GAB2: variants seen among roughly 807,000 people sequenced by gnomAD.
GAB2 encodes GRB2 associated binding protein 2, also known as GRB2-associated-binding protein 2.
In GAB2, 26 loss-of-function variants were observed where a neutral mutation model predicts 65.5. The ratio of observed to expected loss-of-function variants is 0.40; its 90% CI spans 0.29 to 0.55. The LOEUF (loss-of-function observed/expected upper bound fraction) is 0.55. GAB2 is among the 20% of genes least tolerant of loss of function. The probability of loss-of-function intolerance (pLI) is 0.53; values close to 1 mark genes in which losing one functional copy is unlikely to be tolerated. For missense variants in GAB2, 884 were observed against 875.8 expected, an observed-to-expected ratio of 1.01 and a Z score of -0.12; for synonymous variants, 321 against 329.6, an observed-to-expected ratio of 0.97 and a Z score of 0.28.
At chr11:78,283,139 C>T (rs1446463044) in intron 1 of GAB2, among the ~76,000 whole-genome samples, 1 of 152,202 alleles carries the variant, frequency 6.6e-6, no homozygotes, top group Non-Finnish European at 1.5e-5. Context: ...CTCTTGGCCT[C>T]TCTCTTTAAA....
chr11:78,290,612 G>C (rs1275410309), intron 1 of GAB2, among the ~76,000 whole-genome samples: 1 of 152,166 alleles, frequency 6.6e-6, no homozygotes, highest in African/African-American at 2.4e-5. Flanking sequence ...GCTCCCTTCT[G>C]GTGACAATGA....
chr11:78,402,612 C>G (rs968547551), intron 1 of GAB2, among the ~76,000 whole-genome samples: 2 of 148,840 alleles, frequency 1.3e-5, no homozygotes, highest in African/African-American at 5.0e-5. Flanking sequence ...CGTACCACCA[C>G]GCCCAGCTAA....
intron 1 of GAB2, among the ~76,000 whole-genome samples, chr11:78,296,464 A>G (rs998040496): frequency 6.6e-6 from 1 of 151,844 alleles, no homozygotes; most frequent in African/African-American, 2.4e-5. Flanking sequence ...GTATTTTCTC[A>G]GTAAGGCACA....
intron 1 of GAB2, among the ~76,000 whole-genome samples, chr11:78,382,276 C>T (rs754200965): frequency 6.6e-6 from 1 of 152,174 alleles, no homozygotes; most frequent in African/African-American, 2.4e-5. Context: ...AGGCCAAGGA[C>T]TGTATCATTT....
intron 2 of GAB2, among the ~76,000 whole-genome samples, chr11:78,251,025 G>A (rs191102167): frequency 6.6e-6 from 1 of 151,894 alleles, no homozygotes; most frequent in South Asian, 2.1e-4. Flanking sequence ...GTGATAGGAT[G>A]AACAGAAGGC....
intron 1 of GAB2, among the ~76,000 whole-genome samples, chr11:78,331,400 C>G (rs1855911802): frequency 6.6e-6 from 1 of 151,826 alleles, no homozygotes. Flanking sequence ...TATGCACCAC[C>G]ACACCCAGCT....
rs116159624 is a variant in GAB2, at chr11:78,220,372, C to T, written c.1834G>A (p.Val612Ile). 159 of 1,613,006 alleles carry T rather than the reference C, an allele frequency of 9.9e-5. 1 individual carries two copies. In the South Asian group the frequency reaches 1.2e-3, roughly 12 times the overall value. ...SPAPKKSTGS[V>I]DYLALDFQPS... is the part of the protein sequence containing the mutation. The stretch of plus-strand genomic sequence containing the variant: ...TGGAAGTCCAGGGCCAGATAATCAA[C>T]GCTGCCGGTGCTCTTCTTAGGGGCA... The change falls in exon 9 of 10, where the codon GTT (valine) becomes ATT (isoleucine). Residue 612 changes from valine to isoleucine, a missense_variant. Physicochemically the swap from Val to Ile is conservative, Grantham distance 29. Transcript: ENST00000361507.
In GAB2 at chr11:78,236,940, C is replaced by G. The variant is rs573151340; in HGVS notation, c.621-9889G>C. ...CACATACGTATTTAGTTGGATTCGA[C>G]TGCTAATCCTTTGTTTTTAAAGAGG... On this transcript the variant is annotated intron_variant, in intron 3 of 9. Coordinates refer to ENST00000361507, the MANE Select transcript of GAB2 (RefSeq NM_080491.3). Among the ~76,000 whole-genome samples the G allele has an allele frequency of 8.5e-5, 13 of 152,296 alleles. No individual in the cohort carries two copies. In the East Asian group the frequency reaches 2.5e-3, roughly 29 times the overall value.
chr11:78,307,623 A>AGC (rs1855395716), intron 1 of GAB2, among the ~76,000 whole-genome samples: 1 of 151,580 alleles, frequency 6.6e-6, no homozygotes, highest in African/African-American at 2.4e-5. Context: ...AGAGAGAGAG[A>AGC]GAGAGAGAGA....
chr11:78,411,789 T>C (rs896015993), intron 1 of GAB2, among the ~76,000 whole-genome samples: 1 of 150,964 alleles, frequency 6.6e-6, no homozygotes, highest in Non-Finnish European at 1.5e-5. Context: ...CCCAGCACTT[T>C]GGGAGGCCAA....
chr11:78,234,082 T>G (rs1864922114), intron 3 of GAB2, among the ~76,000 whole-genome samples: 1 of 152,190 alleles, frequency 6.6e-6, no homozygotes, highest in Non-Finnish European at 1.5e-5. Context: ...AAGTTTCTTT[T>G]CTTTTCTTTT....
At chr11:78,229,345 G>A (rs1240422135) in intron 3 of GAB2, among the ~76,000 whole-genome samples, 1 of 152,160 alleles carries the variant, frequency 6.6e-6, no homozygotes, top group Non-Finnish European at 1.5e-5. Flanking sequence ...ACATTAGAAG[G>A]CAGGGCTGAG....
At chr11:78,390,175 T>C (rs1442998640) in intron 1 of GAB2, among the ~76,000 whole-genome samples, 2 of 152,168 alleles carry the variant, frequency 1.3e-5, no homozygotes, top group South Asian at 2.1e-4. Flanking sequence ...AGGAGATAAT[T>C]TGCATCTGTT....
At chr11:78,383,065 G>A (rs1856717974) in intron 1 of GAB2, among the ~76,000 whole-genome samples, 1 of 152,104 alleles carries the variant, frequency 6.6e-6, no homozygotes, top group African/African-American at 2.4e-5. Flanking sequence ...CTGAGGTCAG[G>A]AATTCAAGAC....
chr11:78,377,330 C>G (rs535369720), intron 1 of GAB2, among the ~76,000 whole-genome samples: 8 of 152,252 alleles, frequency 5.3e-5, no homozygotes, highest in Admixed American at 3.9e-4. Flanking sequence ...CTTGCTGTGT[C>G]CTCACATGGC....
chr11:78,234,746 C>A (rs925562157), intron 3 of GAB2, among the ~76,000 whole-genome samples: 2 of 151,900 alleles, frequency 1.3e-5, no homozygotes, highest in African/African-American at 4.8e-5. Context: ...CATAGTTTGA[C>A]AGGAATTCTT....
In GAB2 at chr11:78,223,570, T is replaced by C. The variant is rs1428930895; in HGVS notation, c.1409A>G (p.Asp470Gly). The C allele has an allele frequency of 2.5e-6, 4 of 1,613,784 alleles. No homozygotes were observed. The highest frequency in any genetic ancestry group is 2.5e-6 in the Non-Finnish European group (3 of 1,179,928). The change falls in exon 6 of 10, where the codon GAT becomes GGT. Residue 470 changes from aspartate to glycine, a missense_variant. Asp to Gly is a moderately conservative substitution (Grantham distance 94). Coordinates refer to ENST00000361507, the MANE Select transcript of GAB2 (RefSeq NM_080491.3). ...STLLAMERAG[D>G]NSQSVYIPMS... ...TGGGATGTAGACGCTCTGGGAATTA[T>C]CACCTGCTCGTTCCATGGCCAACAG... is the stretch of plus-strand genomic sequence containing the variant.
chr11:78,343,485 A>G (rs1483295187), intron 1 of GAB2, among the ~76,000 whole-genome samples: 1 of 152,126 alleles, frequency 6.6e-6, no homozygotes, highest in African/African-American at 2.4e-5. Flanking sequence ...AAGACAGACT[A>G]GAAATTTTTA....
intron 1 of GAB2, among the ~76,000 whole-genome samples, chr11:78,360,224 T>C (rs1246024837): frequency 2.0e-5 from 3 of 152,074 alleles, no homozygotes; most frequent in Non-Finnish European, 4.4e-5. Context: ...ACGATAAATC[T>C]CTATTGTCTT....
Sources: gnomAD v4.1 joint callset for allele counts (sites outside exome capture counted in the v4.1 genomes callset) on GRCh38, gnomAD v4.1.1 for gene constraint, MANE v1.5 for transcripts, NCBI Gene and HGNC (gene_info 2026-07-23, HGNC 2026-07-21) for gene names.